Variants in TENM3 observed in about 807,000 individuals in gnomAD.
TENM3 encodes the protein teneurin transmembrane protein 3.
A neutral mutation model predicts 255.1 loss-of-function variants in TENM3; 63 were observed. The observed-to-expected ratio is 0.25, with a 90% CI of 0.20 to 0.30. The LOEUF is 0.30. Among genes scored for constraint, TENM3 ranks in the 10% least tolerant of loss-of-function variants. The pLI, the probability that TENM3 is intolerant of heterozygous loss-of-function variation, is 1.00. For missense variants in TENM3, 2,929 were observed against 3,461.1 expected (o/e 0.85, Z 3.86); for synonymous variants, 1,306 against 1,322.3 (o/e 0.99, Z 0.27).
At chr4:182,044,242 A>G in the TENM3 span, among the ~76,000 whole-genome samples, 1 of 152,222 alleles carries the variant, frequency 6.6e-6, no homozygotes, top group Admixed American at 6.5e-5. Flanking sequence ...ACAAAAAAAG[A>G]AAAGAAAAAA....
the TENM3 span, among the ~76,000 whole-genome samples, chr4:181,584,800 C>G: frequency 2.0e-5 from 3 of 152,060 alleles, no homozygotes; most frequent in Non-Finnish European, 4.4e-5. Context: ...GCAACATGCA[C>G]GAACATGGGT....
intron 1 of TENM3, among the ~76,000 whole-genome samples, chr4:182,297,148 T>C (rs1281087319): frequency 6.6e-6 from 1 of 152,196 alleles, no homozygotes; most frequent in Non-Finnish European, 1.5e-5. Flanking sequence ...CTGGCTACAG[T>C]CCTTTCTGCT....
the TENM3 span, among the ~76,000 whole-genome samples, chr4:181,605,515 A>G: frequency 4.6e-5 from 1 of 21,926 alleles, no homozygotes; most frequent in South Asian, 1.9e-3. Context: ...AGAAAGAAAG[A>G]AAGAAAGAAA....
intron 4 of TENM3, among the ~76,000 whole-genome samples, chr4:182,614,722 C>A (rs550126939): frequency 9.2e-5 from 14 of 152,120 alleles, no homozygotes; most frequent in Non-Finnish European, 1.9e-4. Context: ...CTCCTGCACA[C>A]ACTCTCGAAA....
intron 27 of TENM3, among the ~76,000 whole-genome samples, chr4:182,797,935 C>CT (rs1766615593): frequency 6.6e-6 from 1 of 152,134 alleles, no homozygotes; most frequent in African/African-American, 2.4e-5. Flanking sequence ...AAAGCAATTC[C>CT]TTTTTCATAA....
the TENM3 span, among the ~76,000 whole-genome samples, chr4:181,602,827 T>G: frequency 8.8e-4 from 134 of 152,320 alleles, 1 homozygote; most frequent in Non-Finnish European, 1.1e-3. Flanking sequence ...ATGCCATTGT[T>G]ATAGTCTAGC....
the TENM3 span, among the ~76,000 whole-genome samples, chr4:181,653,646 G>A: frequency 4.7e-5 from 7 of 150,530 alleles, no homozygotes; most frequent in East Asian, 2.0e-4. Flanking sequence ...TGATCTGCCC[G>A]CCTTGGCCTC....
chr4:182,281,564 G>C (rs751201649), intron 1 of TENM3, among the ~76,000 whole-genome samples: 1 of 151,770 alleles, frequency 6.6e-6, no homozygotes, highest in Non-Finnish European at 1.5e-5. Flanking sequence ...TATATTGCCC[G>C]GGCTGGTCTT....
At chr4:182,107,303 T>C in the TENM3 span, among the ~76,000 whole-genome samples, 1 of 152,190 alleles carries the variant, frequency 6.6e-6, no homozygotes, top group Non-Finnish European at 1.5e-5. Context: ...CAGTCTCATC[T>C]GCTCATGCCT....
At chr4:181,510,101 T>A in the TENM3 span, among the ~76,000 whole-genome samples, 1 of 152,216 alleles carries the variant, frequency 6.6e-6, no homozygotes, top group South Asian at 2.1e-4. Context: ...CTTACGTGGG[T>A]GTGTGTACAA....
At chr4:181,823,909 C>T in the TENM3 span, among the ~76,000 whole-genome samples, 2 of 151,988 alleles carry the variant, frequency 1.3e-5, no homozygotes, top group African/African-American at 4.8e-5. Flanking sequence ...CTCATATGCC[C>T]TTGATTGTGC....
At chr4:181,833,310 C>G in the TENM3 span, among the ~76,000 whole-genome samples, 14 of 152,192 alleles carry the variant, frequency 9.2e-5, no homozygotes, top group African/African-American at 3.1e-4. Context: ...TCCTCATCCT[C>G]TCATCCTCTT....
At chr4:181,635,613 C>G in the TENM3 span, among the ~76,000 whole-genome samples, 1 of 152,208 alleles carries the variant, frequency 6.6e-6, no homozygotes, top group Non-Finnish European at 1.5e-5. Context: ...AGAGAGCCAC[C>G]AAGCTACCTT....
the TENM3 span, among the ~76,000 whole-genome samples, chr4:181,818,614 T>C: frequency 6.7e-6 from 1 of 148,504 alleles, no homozygotes; most frequent in Non-Finnish European, 1.5e-5. Flanking sequence ...TAAATCTCTT[T>C]TTTTTTTTTT....
intron 3 of TENM3, among the ~76,000 whole-genome samples, chr4:182,359,732 T>C (rs563861983): frequency 2.8e-4 from 43 of 151,932 alleles, no homozygotes; most frequent in Admixed American, 1.6e-3. Flanking sequence ...AGTTCTGCTC[T>C]GATTTTAGTT....
intron 3 of TENM3, among the ~76,000 whole-genome samples, chr4:182,462,440 A>G (rs916271548): frequency 6.6e-6 from 1 of 151,504 alleles, no homozygotes; most frequent in African/African-American, 2.4e-5. Flanking sequence ...GGTAAATCCC[A>G]GGTCAGAGAC....
At chr4:182,619,955 T>C (rs1432685423) in intron 4 of TENM3, among the ~76,000 whole-genome samples, 2 of 152,254 alleles carry the variant, frequency 1.3e-5, no homozygotes, top group African/African-American at 4.8e-5. Context: ...TGGGGAATAT[T>C]CTCACAGGTT....
intron 3 of TENM3, among the ~76,000 whole-genome samples, chr4:182,485,584 A>G (rs79639253): frequency 0.031 from 4,661 of 152,198 alleles, 265 homozygotes; most frequent in African/African-American, 0.11. Context: ...AAATTTTTCA[A>G]TATTTGATAC....
chr4:182,312,937 A>C (rs115377702), intron 1 of TENM3, among the ~76,000 whole-genome samples: 2,120 of 152,294 alleles, frequency 0.014, 46 homozygotes, highest in African/African-American at 0.049. Flanking sequence ...CACAAACTAA[A>C]TGACTGGATT....
Sources: gnomAD v4.1 joint callset for allele counts (sites outside exome capture counted in the v4.1 genomes callset) on GRCh38, gnomAD v4.1.1 for gene constraint, MANE v1.5 for transcripts, NCBI Gene and HGNC (gene_info 2026-07-23, HGNC 2026-07-21) for gene names.